The following HYDIN variants were observed in gnomAD, a reference collection of about 807,000 sequenced individuals.
HYDIN encodes the protein axonemal central pair apparatus protein HYDIN.
A neutral mutation model predicts 403.9 loss-of-function variants in HYDIN; 132 were observed. The observed-to-expected ratio is 0.33, with a 90% CI of 0.28 to 0.38. The LOEUF (loss-of-function observed/expected upper bound fraction) is 0.38, where lower values mean the gene tolerates loss of function less well. Ranked by LOEUF, HYDIN falls within the 10% of genes least tolerant of loss-of-function variation. The pLI, the probability that HYDIN is intolerant of heterozygous loss-of-function variation, is 1.00. For synonymous variants in HYDIN, 1,202 were observed against 1,891.7 expected (o/e 0.64, Z 9.46); for missense variants, 2,827 against 5,009.5 (o/e 0.56, Z 13.15).
intron 41 of HYDIN, among the ~76,000 whole-genome samples, chr16:70,951,574 T>C (rs2078076258): frequency 6.6e-6 from 1 of 151,962 alleles, no homozygotes; most frequent in Admixed American, 6.6e-5. Context: ...GTCTGTTTTT[T>C]ACCTTTACTG....
At chr16:70,943,687 A>C in intron 42 of HYDIN, 125 bp downstream of exon 42, 4 of 1,350,356 alleles carry the variant, frequency 3.0e-6, no homozygotes, top group Non-Finnish European at 3.9e-6. Flanking sequence ...AAAGACAAGC[A>C]AACGACTGCC....
Position 70,908,827 on chromosome 16 carries a change from C to T in HYDIN, c.8039G>A (p.Gly2680Asp), listed in dbSNP as rs1281711809. Residue 2680 changes from glycine (G) to aspartate (D), a missense_variant, in exon 48 of 86, where the codon GGC becomes GAC. Transcript: ENST00000393567. ...QEEQTSSSKG[G>D]KQKMKEKIDQ... ...TATCTTTTCTTTCATTTTCTGTTTGCCCCCCTTAGATGAGCTGGTCTGCTC... is the reference window on the plus strand; with the variant it reads ...TATCTTTTCTTTCATTTTCTGTTTGTCCCCCTTAGATGAGCTGGTCTGCTC... 2 of 1,614,142 alleles carry T rather than the reference C, an allele frequency of 1.2e-6. No homozygotes were observed. The highest frequency in any genetic ancestry group is 1.7e-6 in the Non-Finnish European group (2 of 1,180,048).
At chr16:71,207,257 ATTGGGGGTCT>A (rs2088347674) in intron 1 of HYDIN, among the ~76,000 whole-genome samples, 1 of 152,218 alleles carries the variant, frequency 6.6e-6, no homozygotes, top group Non-Finnish European at 1.5e-5. Context: ...GCCAGAAGAG[ATTGGGGGTCT>A]ATATTCAACA....
chr16:71,224,941 C>G (rs1213202612), intron 1 of HYDIN, among the ~76,000 whole-genome samples: 1 of 152,148 alleles, frequency 6.6e-6, no homozygotes, highest in Non-Finnish European at 1.5e-5. Flanking sequence ...GTTGAAGTTA[C>G]TGGTCATGTT....
intron 57 of HYDIN, 116 bp from the exon 58 acceptor site, chr16:70,889,820 C>A (rs1323526648): frequency 7.8e-6 from 6 of 772,436 alleles, no homozygotes; most frequent in Non-Finnish European, 1.3e-5. Flanking sequence ...AGGGGCCCTT[C>A]TTTGCCCAAG....
intron 5 of HYDIN, among the ~76,000 whole-genome samples, chr16:71,163,882 C>G (rs2086116569): frequency 6.6e-6 from 1 of 152,214 alleles, no homozygotes; most frequent in Admixed American, 6.5e-5. Context: ...AACTAGCTAA[C>G]TGATGCGTAA....
intron 42 of HYDIN, among the ~76,000 whole-genome samples, chr16:70,942,844 C>T (rs1464234921): frequency 2.6e-5 from 4 of 152,244 alleles, no homozygotes; most frequent in Non-Finnish European, 5.9e-5. Context: ...CACAGCTCCA[C>T]TGGCTTACTT....
intron 10 of HYDIN, among the ~76,000 whole-genome samples, chr16:71,099,964 C>T (rs1236338765): frequency 2.0e-5 from 3 of 152,132 alleles, no homozygotes; most frequent in East Asian, 1.9e-4. Flanking sequence ...GATCACATCA[C>T]TTGCACTCCA....
chr16:70,972,720 C>A (rs927484582), intron 35 of HYDIN, among the ~76,000 whole-genome samples: 1 of 152,232 alleles, frequency 6.6e-6, no homozygotes, highest in Non-Finnish European at 1.5e-5. Flanking sequence ...GGGCCAGATA[C>A]TTTCAAATTC....
Position 70,879,755 on chromosome 16 carries a change from G to C in HYDIN, c.10217C>G (p.Pro3406Arg). ...AAAAATGTCGACGATGCGGGCAAAG[G>C]GCTGGTGATGGGGGCAGAGACCAGA... Reference protein sequence around the residue: ...NIVVRPISNKPFARIVDIFEV... With the variant: ...NIVVRPISNKRFARIVDIFEV... Residue 3406 changes from proline (P) to arginine (R), a missense_variant and splice_region_variant, in exon 61 of 86, where the codon CCC becomes CGC. Transcript: ENST00000393567. The C allele has an allele frequency of 2.7e-6, 3 of 1,125,060 alleles. No individual in the cohort carries two copies. Among genetic ancestry groups the C allele is most frequent in the Non-Finnish European group, 2.6e-6 (2 of 774,050 alleles). 69.7% of individuals were successfully genotyped at this position (1,125,060 alleles called of 1,614,324 possible).
intron 10 of HYDIN, among the ~76,000 whole-genome samples, chr16:71,098,721 G>T: frequency 7.3e-6 from 1 of 137,266 alleles, no homozygotes; most frequent in African/African-American, 2.7e-5. Flanking sequence ...CTGTTACCTT[G>T]ACTGCCTTTC....
intron 4 of HYDIN, among the ~76,000 whole-genome samples, chr16:71,178,021 A>G (rs1308924893): frequency 6.6e-6 from 1 of 152,252 alleles, no homozygotes; most frequent in Non-Finnish European, 1.5e-5. Context: ...TTCTACAGAA[A>G]GAAGAAGACA....
At chr16:71,167,419 G>T (rs571552248) in intron 5 of HYDIN, among the ~76,000 whole-genome samples, 1 of 149,128 alleles carries the variant, frequency 6.7e-6, no homozygotes, top group Non-Finnish European at 1.5e-5. Context: ...TAACTGAGGC[G>T]TTGAGAGCTA....
chr16:71,038,099 C>G lies in HYDIN; in HGVS notation c.2530-6182G>C, dbSNP rs572721291. Among the ~76,000 whole-genome samples, 4 of 152,320 alleles carry G rather than the reference C, an allele frequency of 2.6e-5. No individual in the cohort carries two copies. The South Asian group carries it at 8.3e-4, about 32-fold the overall frequency. ...CTGAAAGCCAGAGTCGTTTGAGCAG[C>G]TCGTAAACAACATGTACAGGAGGTA... On this transcript the variant is annotated intron_variant, in intron 18 of 85. Coordinates refer to ENST00000393567, the MANE Select transcript of HYDIN (RefSeq NM_001270974.2).
intron 1 of HYDIN, among the ~76,000 whole-genome samples, chr16:71,227,318 C>T (rs1260274808): frequency 2.0e-5 from 3 of 151,834 alleles, no homozygotes; most frequent in African/African-American, 7.3e-5. Context: ...AATGAGATAC[C>T]ACTACACAGC....
chr16:70,932,586 G>A (rs62047035), intron 45 of HYDIN, among the ~76,000 whole-genome samples: 2 of 151,970 alleles, frequency 1.3e-5, no homozygotes, highest in East Asian at 1.9e-4. Context: ...GCTAAGAAGT[G>A]GGTTTTTTTT....
intron 11 of HYDIN, among the ~76,000 whole-genome samples, chr16:71,089,164 T>C (rs138115468): frequency 0.05 from 7,518 of 151,234 alleles, 264 homozygotes; most frequent in Middle Eastern, 0.13. Flanking sequence ...TCTAGTGTTC[T>C]GGAAGCATGT....
intron 67 of HYDIN, 60 bp downstream of exon 67, chr16:70,866,109 A>T: frequency 3.3e-6 from 4 of 1,221,288 alleles, no homozygotes; most frequent in Non-Finnish European, 4.7e-6. Context: ...TGAGTGAGTG[A>T]GTGAATGATG....
At chr16:71,008,254 TA>T in intron 23 of HYDIN, among the ~76,000 whole-genome samples, 1 of 151,950 alleles carries the variant, frequency 6.6e-6, no homozygotes, top group East Asian at 1.9e-4. Flanking sequence ...TATTGCCATG[TA>T]ACAAATCTGC....
Sources: allele counts gnomAD v4.1 joint callset (sites outside exome capture counted in the v4.1 genomes callset), GRCh38; gene constraint gnomAD v4.1.1; transcripts MANE v1.5; gene names NCBI Gene and HGNC (gene_info 2026-07-23, HGNC 2026-07-21).